The following ROR2 variants were observed in gnomAD, a reference collection of about 807,000 sequenced individuals.
ROR2 encodes the protein tyrosine-protein kinase transmembrane receptor ROR2.
In ROR2, 33 loss-of-function variants were observed where a neutral mutation model predicts 74.9. That is an observed-to-expected ratio of 0.44 (90% CI 0.33 to 0.59). The LOEUF (loss-of-function observed/expected upper bound fraction) is 0.59, where lower values mean the gene tolerates loss of function less well. Among genes scored for constraint, ROR2 ranks in the 20% least tolerant of loss-of-function variants. The pLI, the probability that ROR2 is intolerant of heterozygous loss-of-function variation, is 0.02. For synonymous variants in ROR2, 586 were observed against 558.7 expected, an observed-to-expected ratio of 1.05 and a Z score of -0.69; for missense variants, 1,216 against 1,313.8, an observed-to-expected ratio of 0.93 and a Z score of 1.15.
intron 2 of ROR2, among the ~76,000 whole-genome samples, chr9:91,769,678 CT>C (rs1826168526): frequency 6.6e-6 from 1 of 152,150 alleles, no homozygotes; most frequent in Non-Finnish European, 1.5e-5. Context: ...GCCATTGCCC[CT>C]ACGTCCTCTC....
intron 1 of ROR2, among the ~76,000 whole-genome samples, chr9:91,861,648 C>T (rs1829470979): frequency 6.6e-6 from 1 of 152,174 alleles, no homozygotes; most frequent in Non-Finnish European, 1.5e-5. Context: ...AACTATAAAA[C>T]TGTTAAAAGA....
In ROR2 at chr9:91,810,057, C is replaced by G. The variant is rs2841693; in HGVS notation, c.98-34239G>C. 3.2e-3 allele frequency among the ~76,000 whole-genome samples: 484 copies of G among 152,348 alleles called. 4 individuals carry two copies. Among genetic ancestry groups the G allele is most frequent in the African/African-American group, 0.011 (455 of 41,582 alleles). On this transcript the variant is annotated intron_variant, in intron 1 of 8. Transcript: ENST00000375708. ...CCACGCCACACATGACCCCCAGTCC[C>G]GCCCTTCAGATGCCCCAGGGCAAGA...
chr9:91,825,193 A>G (rs1271555720), intron 1 of ROR2, among the ~76,000 whole-genome samples: 5 of 152,212 alleles, frequency 3.3e-5, no homozygotes, highest in Non-Finnish European at 5.9e-5. Context: ...TACGTAAGAA[A>G]GCCTTCGGTA....
chr9:91,864,488 T>C (rs890472647), intron 1 of ROR2, among the ~76,000 whole-genome samples: 2 of 152,196 alleles, frequency 1.3e-5, no homozygotes, highest in Non-Finnish European at 2.9e-5. Flanking sequence ...TGCTACACAA[T>C]CTTAATTATG....
chr9:91,945,232 T>C (rs1831984449), intron 1 of ROR2, among the ~76,000 whole-genome samples: 1 of 152,218 alleles, frequency 6.6e-6, no homozygotes, highest in Admixed American at 6.5e-5. Context: ...CTTTAATTTC[T>C]TTTAATTTTA....
intron 1 of ROR2, among the ~76,000 whole-genome samples, chr9:91,902,619 A>AC (rs747382142): frequency 1.4e-4 from 22 of 152,172 alleles, no homozygotes; most frequent in Non-Finnish European, 7.3e-5. Context: ...GCCCTCCCTG[A>AC]GACATCCAGC....
At chr9:91,828,203 G>T (rs994764989) in intron 1 of ROR2, among the ~76,000 whole-genome samples, 1 of 152,072 alleles carries the variant, frequency 6.6e-6, no homozygotes, top group Non-Finnish European at 1.5e-5. Context: ...CTTATTGTTT[G>T]GTGAAGTTTT....
chr9:91,938,905 G>C (rs1166764515), intron 1 of ROR2, among the ~76,000 whole-genome samples: 2 of 152,222 alleles, frequency 1.3e-5, no homozygotes, highest in African/African-American at 4.8e-5. Flanking sequence ...GTGTTGCCAA[G>C]GAAGAGCATG....
At chr9:91,747,758 G>A (rs73651503) in intron 4 of ROR2, among the ~76,000 whole-genome samples, 22,144 of 152,094 alleles carry the variant, frequency 0.15, 1,825 homozygotes, top group South Asian at 0.29. Flanking sequence ...GGGCGGGGGA[G>A]GAGTCAGTCT....
intron 1 of ROR2, 30 bp downstream of exon 1, chr9:91,949,837 C>T: frequency 7.2e-7 from 1 of 1,392,288 alleles, no homozygotes; most frequent in Non-Finnish European, 9.9e-7. Flanking sequence ...GAGCTACCGT[C>T]TGCGCACAAG....
rs575176349 is a variant in ROR2, at chr9:91,937,154, G to A, written c.97+12713C>T. 4.6e-4 allele frequency among the ~76,000 whole-genome samples: 70 copies of A among 152,094 alleles called. No homozygotes were observed. In the South Asian group the frequency reaches 0.01, roughly 23 times the overall value. On this transcript the variant is annotated intron_variant, in intron 1 of 8. Coordinates refer to ENST00000375708, the MANE Select transcript of ROR2 (RefSeq NM_004560.4). ...TTTCAAGAGCTCACAGTGCAAACTC[G>A]GGATTATAGAATTAAACAGAGACGG...
intron 7 of ROR2, among the ~76,000 whole-genome samples, chr9:91,727,047 G>C (rs1837066044): frequency 6.6e-6 from 1 of 152,186 alleles, no homozygotes; most frequent in South Asian, 2.1e-4. Flanking sequence ...TCCGCTTTCT[G>C]TTCCTGATGT....
At chr9:91,867,481 C>T (rs1829667049) in intron 1 of ROR2, among the ~76,000 whole-genome samples, 1 of 152,078 alleles carries the variant, frequency 6.6e-6, no homozygotes, top group South Asian at 2.1e-4. Context: ...GAGACGTGGA[C>T]ATAGTCAAGG....
chr9:91,745,150 A>T (rs1825368223), intron 4 of ROR2, among the ~76,000 whole-genome samples: 1 of 151,518 alleles, frequency 6.6e-6, no homozygotes, highest in Non-Finnish European at 1.5e-5. Context: ...TTTGAGACGA[A>T]GTCTCGCTCT....
At chr9:91,754,528 G>A (rs561199541) in intron 4 of ROR2, among the ~76,000 whole-genome samples, 4 of 152,060 alleles carry the variant, frequency 2.6e-5, no homozygotes, top group South Asian at 2.1e-4. Context: ...ATGGTGGTGC[G>A]CATCTGTAAT....
chr9:91,874,592 T>C (rs937658038), intron 1 of ROR2, among the ~76,000 whole-genome samples: 2 of 152,202 alleles, frequency 1.3e-5, no homozygotes, highest in Non-Finnish European at 2.9e-5. Context: ...TTCTTCCCGT[T>C]GTCATATGAC....
intron 2 of ROR2, among the ~76,000 whole-genome samples, chr9:91,760,112 G>A (rs1437433124): frequency 6.6e-6 from 1 of 152,216 alleles, no homozygotes; most frequent in African/African-American, 2.4e-5. Flanking sequence ...CTGGTTCCTT[G>A]TTGTTCAGTT....
chr9:91,770,253 G>A (rs1203272228), intron 2 of ROR2, among the ~76,000 whole-genome samples: 1 of 152,144 alleles, frequency 6.6e-6, no homozygotes, highest in African/African-American at 2.4e-5. Flanking sequence ...AAACCTAAGC[G>A]TCACCTCTGT....
chr9:91,916,355 G>T (rs1831134792), intron 1 of ROR2, among the ~76,000 whole-genome samples: 1 of 152,148 alleles, frequency 6.6e-6, no homozygotes, highest in African/African-American at 2.4e-5. Flanking sequence ...CTTTATATTG[G>T]TTAATTCTTT....
Sources: gnomAD v4.1 joint callset for allele counts (sites outside exome capture counted in the v4.1 genomes callset) on GRCh38, gnomAD v4.1.1 for gene constraint, MANE v1.5 for transcripts, NCBI Gene and HGNC (gene_info 2026-07-23, HGNC 2026-07-21) for gene names.